TIAM2: variants seen among roughly 807,000 people sequenced by gnomAD.
TIAM2 encodes the protein TIAM Rac1 associated GEF 2.
A neutral mutation model predicts 152.9 loss-of-function variants in TIAM2; 80 were observed. The observed-to-expected ratio is 0.52, with a 90% CI of 0.44 to 0.63. The LOEUF (loss-of-function observed/expected upper bound fraction) is 0.63. Among genes scored for constraint, TIAM2 ranks in the 30% least tolerant of loss-of-function variants. The pLI, the probability that TIAM2 is intolerant of heterozygous loss-of-function variation, is 0.00. For synonymous variants in TIAM2, 804 were observed against 838.0 expected (o/e 0.96, Z 0.70); for missense variants, 1,965 against 2,120.1 (o/e 0.93, Z 1.44).
rs149008874 is a variant in TIAM2 at position 155,253,745 on chromosome 6, C to T, written c.4226-228C>T. 2.9e-3 allele frequency: 1,366 copies of T among 469,144 alleles called. 22 individuals are homozygous for T. Among genetic ancestry groups the T allele is most frequent in the African/African-American group, 0.025 (1,271 of 49,868 alleles). 29.1% of individuals were successfully genotyped at this position (469,144 alleles called of 1,614,324 possible). On this transcript the variant is annotated intron_variant, in intron 24 of 26. Transcript: ENST00000682666. ...AGGGGCTCCAGAGAGAGGGTGAAGG[C>T]AGTTCAGATGGAGGAAAATCTGCAG...
In TIAM2 at chr6:155,129,250, C is replaced by G. The variant is rs764501749; in HGVS notation, c.27C>G (p.Thr9=). 33 of 1,613,900 alleles carry G rather than the reference C, an allele frequency of 2.0e-5. No individual in the cohort carries two copies. Among genetic ancestry groups the G allele is most frequent in the Non-Finnish European group, 2.8e-5 (33 of 1,179,970 alleles). Residue 9 remains threonine (T), a synonymous_variant, in exon 4 of 27, where the codon ACC becomes ACG. Transcript: ENST00000682666. This position sits in a 1 kb window ranked among gnomAD's most constrained non-coding sequence, Gnocchi z 4.8. MGNSDSQY[T]LQGSKNHSNT... ...TGGGCAACTCCGACAGTCAGTACAC[C>G]CTTCAAGGATCTAAAAATCATAGCA...
At chr6:155,109,198 A>G (rs192803514) in intron 2 of TIAM2, among the ~76,000 whole-genome samples, 120 of 152,110 alleles carry the variant, frequency 7.9e-4, no homozygotes, top group African/African-American at 2.8e-3. Flanking sequence ...GTTAGCCAGG[A>G]TGGTCTTGAT....
At chr6:155,015,257 C>A (rs1158020672) in intron 1 of TIAM2, among the ~76,000 whole-genome samples, 1 of 152,084 alleles carries the variant, frequency 6.6e-6, no homozygotes, top group Non-Finnish European at 1.5e-5. Flanking sequence ...TGATGCTACT[C>A]TACTAATGGA....
chr6:155,158,762 G>C (rs1780186698), intron 7 of TIAM2, among the ~76,000 whole-genome samples: 1 of 143,742 alleles, frequency 7.0e-6, no homozygotes, highest in Admixed American at 7.3e-5. Flanking sequence ...TCACCACGTT[G>C]ACCAGGCTGC....
At chr6:155,075,439 ACT>A (rs2114959782) in intron 1 of TIAM2, among the ~76,000 whole-genome samples, 1 of 151,824 alleles carries the variant, frequency 6.6e-6, no homozygotes, top group South Asian at 2.1e-4. Context: ...GGCCACAGTG[ACT>A]CTACCATAGC....
At chr6:155,146,770 T>TA (rs1415382750) in intron 6 of TIAM2, among the ~76,000 whole-genome samples, 25 of 18,556 alleles carry the variant, frequency 1.3e-3, no homozygotes, top group Non-Finnish European at 2.3e-3. Flanking sequence ...CCTGGCTAAT[T>TA]TTTTTTTTTT....
rs1783760798 is a variant in TIAM2 at position 155,252,963 on chromosome 6, C to G, written c.4135C>G (p.Pro1379Ala). ...LKKKLPSNSR[P>A]AHNSTDLDPF... ...CATGTTACAGCCCTCGAATTCCCGG[C>G]CTGCACACAACTCTACTGACTTGGA... The change falls in exon 24 of 27, where the codon CCT becomes GCT. Residue 1379 changes from proline to alanine, a missense_variant. By Grantham distance (27) the Pro-to-Ala change is conservative. Transcript: ENST00000682666. 3 of 1,614,034 alleles carry G rather than the reference C, an allele frequency of 1.9e-6. No homozygotes were observed. The South Asian group carries it at 3.3e-5, about 18-fold the overall frequency.
intron 23 of TIAM2, among the ~76,000 whole-genome samples, chr6:155,252,588 T>C (rs1783732225): frequency 6.6e-6 from 1 of 152,214 alleles, no homozygotes; most frequent in Admixed American, 6.5e-5. Context: ...TCTGTGAAAC[T>C]TTGGTTTATT....
chr6:155,089,039 T>C (rs1778236252), intron 1 of TIAM2, among the ~76,000 whole-genome samples: 1 of 152,068 alleles, frequency 6.6e-6, no homozygotes, highest in East Asian at 1.9e-4. Context: ...AAAAGGTAAG[T>C]CTCACTATGA....
chr6:155,220,356 C>T (rs1273590360), intron 15 of TIAM2, among the ~76,000 whole-genome samples: 1 of 152,204 alleles, frequency 6.6e-6, no homozygotes, highest in Admixed American at 6.5e-5. Flanking sequence ...ATGGAATACA[C>T]GTATGTCTAG....
intron 10 of TIAM2, 123 bp downstream of exon 10, chr6:155,177,100 C>T: frequency 7.0e-6 from 6 of 861,908 alleles, no homozygotes; most frequent in Non-Finnish European, 5.1e-6. Flanking sequence ...AACATATTAG[C>T]ATATTTATTA....
At chr6:155,048,126 T>C (rs924321405) in intron 1 of TIAM2, among the ~76,000 whole-genome samples, 11 of 152,044 alleles carry the variant, frequency 7.2e-5, no homozygotes, top group Non-Finnish European at 1.0e-4. Context: ...CTAATACTTA[T>C]TTTTTTTGTA....
At chr6:155,071,818 C>T (rs1474048562) in intron 1 of TIAM2, among the ~76,000 whole-genome samples, 1 of 151,184 alleles carries the variant, frequency 6.6e-6, no homozygotes, top group African/African-American at 2.4e-5. Flanking sequence ...ATCACTTGAA[C>T]CTGGGAGGTG....
chr6:155,181,406 T>C (rs1780898953), intron 12 of TIAM2, among the ~76,000 whole-genome samples: 1 of 152,232 alleles, frequency 6.6e-6, no homozygotes, highest in Admixed American at 6.5e-5. Context: ...TTGAACTGAA[T>C]TTCATGTATT....
At chr6:155,243,143 C>T (rs1464923024) in intron 16 of TIAM2, among the ~76,000 whole-genome samples, 2 of 152,202 alleles carry the variant, frequency 1.3e-5, no homozygotes, top group Non-Finnish European at 2.9e-5. Flanking sequence ...GCAAGACAGC[C>T]AAATATGGCT....
intron 1 of TIAM2, among the ~76,000 whole-genome samples, chr6:155,029,699 A>G (rs58984396): frequency 7.2e-6 from 1 of 138,600 alleles, no homozygotes; most frequent in East Asian, 2.0e-4. Flanking sequence ...ATATATAGAG[A>G]TATATAACTA....
Position 155,127,599 on chromosome 6 carries a change from A to G in TIAM2, c.-8A>G. ...TCCCTCACAGCAGAAACTAGACGTC[A>G]GGTAAACCCAACCCTTGTGCCTGGG... On this transcript the variant is annotated splice_region_variant and 5_prime_UTR_variant, in exon 3 of 27. Coordinates refer to ENST00000682666, the MANE Select transcript of TIAM2 (RefSeq NM_012454.4). 1 of 456,078 alleles carries G rather than the reference A, an allele frequency of 2.2e-6. No individual in the cohort carries two copies. The allele number at this position is 456,078 out of a possible 1,614,324, so 28.3% of individuals were successfully genotyped here. A position where few individuals can be genotyped will look rare whatever the true frequency, so the allele number is the denominator to read the frequency against.
intron 14 of TIAM2, among the ~76,000 whole-genome samples, chr6:155,206,450 T>G (rs962116988): frequency 6.6e-6 from 1 of 152,144 alleles, no homozygotes; most frequent in Non-Finnish European, 1.5e-5. Flanking sequence ...TTAGCCAGGA[T>G]GGTCTCGATC....
intron 14 of TIAM2, among the ~76,000 whole-genome samples, chr6:155,204,169 C>T (rs1449395827): frequency 2.6e-5 from 4 of 152,108 alleles, no homozygotes; most frequent in Admixed American, 6.5e-5. Flanking sequence ...GGAATTACCT[C>T]GATTTTACAA....
Sources: gnomAD v4.1 joint callset for allele counts (sites outside exome capture counted in the v4.1 genomes callset) on GRCh38, gnomAD v4.1.1 for gene constraint, Gnocchi (gnomAD v3.1) non-coding constraint, MANE v1.5 for transcripts, NCBI Gene and HGNC (gene_info 2026-07-23, HGNC 2026-07-21) for gene names.